The following EVI5L variants were observed in gnomAD, a reference collection of about 807,000 sequenced individuals.
EVI5L encodes the protein ecotropic viral integration site 5 like.
EVI5L carries 30 observed loss-of-function variants against 106.1 expected under a neutral mutation model. That is an observed-to-expected ratio of 0.28 (90% CI 0.21 to 0.38). EVI5L has a LOEUF of 0.38. Ranked by LOEUF, EVI5L falls within the 10% of genes least tolerant of loss-of-function variation. The probability of loss-of-function intolerance (pLI) is 1.00; values close to 1 mark genes in which losing one functional copy is unlikely to be tolerated. For missense variants in EVI5L, 809 were observed against 1,098.0 expected (o/e 0.74, Z 3.72); for synonymous variants, 489 against 483.3 (o/e 1.01, Z -0.15).
chr19:7,842,954 CAT>C (rs1260433830), intron 1 of EVI5L, among the ~76,000 whole-genome samples: 1 of 126,506 alleles, frequency 7.9e-6, no homozygotes, highest in African/African-American at 3.0e-5. Context: ...CGAATGTGTG[CAT>C]ATGTGTAAAC....
intron 1 of EVI5L, among the ~76,000 whole-genome samples, chr19:7,840,602 C>T (rs974736650): frequency 1.6e-4 from 25 of 152,220 alleles, no homozygotes; most frequent in Admixed American, 9.8e-4. Flanking sequence ...AAACCTACAC[C>T]CATAAGCAGT....
At position 7,853,622 on chromosome 19, in the gene EVI5L, G is replaced by C. The variant is rs537761962; in HGVS notation, c.1146+289G>C. ...CAATAAACCACTGAACTAGAGTGCG[G>C]ACTCTAAATGCTCTGGACAAGGATG... On this transcript the variant is annotated intron_variant, in intron 10 of 19. Transcript: ENST00000538904. The C allele has an allele frequency of 1.0e-3, 510 of 502,836 alleles. 1 individual carries two copies. Among genetic ancestry groups the C allele is most frequent in the Middle Eastern group, 2.3e-3 (4 of 1,758 alleles). The allele number at this position is 502,836 out of a possible 1,614,324, so 31.1% of individuals were successfully genotyped here.
At chr19:7,834,962 C>G (rs1568231329) in intron 1 of EVI5L, among the ~76,000 whole-genome samples, 1 of 151,390 alleles carries the variant, frequency 6.6e-6, no homozygotes. Flanking sequence ...TCTCTCTCTG[C>G]AATAATAATA....
intron 1 of EVI5L, among the ~76,000 whole-genome samples, chr19:7,842,900 G>A (rs1049101488): frequency 6.7e-6 from 1 of 150,030 alleles, no homozygotes; most frequent in Non-Finnish European, 1.5e-5. Flanking sequence ...TGTGTGTATT[G>A]AGTGTGTGCA....
At chr19:7,855,114 CTT>C (rs200195743) in intron 10 of EVI5L, among the ~76,000 whole-genome samples, 40 of 132,600 alleles carry the variant, frequency 3.0e-4, no homozygotes, top group Admixed American at 3.1e-4. Flanking sequence ...ATATCTTTTT[CTT>C]TTTTTTTTTT....
intron 1 of EVI5L, among the ~76,000 whole-genome samples, chr19:7,841,076 G>A (rs1042863135): frequency 2.0e-5 from 3 of 152,152 alleles, no homozygotes; most frequent in Admixed American, 6.6e-5. Context: ...CTGTGAAGGA[G>A]GGTCTGGGTG....
At chr19:7,842,670 G>T (rs1396266245) in intron 1 of EVI5L, among the ~76,000 whole-genome samples, 2 of 151,948 alleles carry the variant, frequency 1.3e-5, no homozygotes, top group African/African-American at 4.8e-5. Flanking sequence ...TCAAGTGTGT[G>T]CATGGATGTG....
intron 13 of EVI5L, among the ~76,000 whole-genome samples, chr19:7,860,083 A>C (rs1457758021): frequency 6.6e-6 from 1 of 152,188 alleles, no homozygotes; most frequent in Non-Finnish European, 1.5e-5. Flanking sequence ...ATGGAGCAAG[A>C]GGGTGATACC....
Position 7,863,800 on chromosome 19 carries a change from C to G in EVI5L, c.*98C>G, listed in dbSNP as rs942390395. 2 of 1,396,426 alleles carry G rather than the reference C, an allele frequency of 1.4e-6. No homozygotes were observed. Among genetic ancestry groups the G allele is most frequent in the African/African-American group, 1.5e-5 (1 of 66,370 alleles). 86.5% of individuals were successfully genotyped at this position (1,396,426 alleles called of 1,614,324 possible). ...CCCACCTGCCGCACTTGACAAACTA[C>G]GCGCCCTCTGTGGCTCGGCCACCCC... On this transcript the variant is annotated 3_prime_UTR_variant, in exon 20 of 20. Coordinates refer to ENST00000538904, the MANE Select transcript of EVI5L (RefSeq NM_001159944.3). This position sits in a 1 kb window ranked among gnomAD's most constrained non-coding sequence, Gnocchi z 7.7.
chr19:7,836,053 A>G (rs1202587245), intron 1 of EVI5L, among the ~76,000 whole-genome samples: 1 of 152,212 alleles, frequency 6.6e-6, no homozygotes, highest in Admixed American at 6.5e-5. Flanking sequence ...CCTGGCCAAC[A>G]TGGCGATACC....
chr19:7,843,458 G>A (rs1235874382), intron 1 of EVI5L, among the ~76,000 whole-genome samples: 6 of 148,570 alleles, frequency 4.0e-5, no homozygotes, highest in Admixed American at 2.0e-4. Flanking sequence ...GTGTGTGAGT[G>A]TGTGTGAGAA....
rs1229183158 is a variant in EVI5L at position 7,848,186 on chromosome 19, C to T, written c.327+265C>T. Reference sequence around the variant, plus strand: ...CCCATGAAGGATGGGGGTGTGGTGGCTCACGCCTGGAATCTCAGCACTTTG... The same window carrying T: ...CCCATGAAGGATGGGGGTGTGGTGGTTCACGCCTGGAATCTCAGCACTTTG... On this transcript the variant is annotated intron_variant, in intron 3 of 19. Transcript: ENST00000538904. The surrounding 1 kb of genome is among the most constrained non-coding windows in gnomAD (Gnocchi z 4.8). Among the ~76,000 whole-genome samples, 1 of 152,126 alleles carries T rather than the reference C, an allele frequency of 6.6e-6. No homozygotes were observed. Among genetic ancestry groups the T allele is most frequent in the Non-Finnish European group, 1.5e-5 (1 of 68,024 alleles).
rs1979549162 is a variant in EVI5L at position 7,856,797 on chromosome 19, A to T, written c.1201-295A>T. Among the ~76,000 whole-genome samples, 1 of 151,986 alleles carries T rather than the reference A, an allele frequency of 6.6e-6. No homozygotes were observed. The highest frequency in any genetic ancestry group is 2.1e-4 in the South Asian group (1 of 4,814). ...TTTCCAGCCAGCAGCGGCCCGGCTG[A>T]CCCTGGAGGGTGGGACAGTGGGTTT... On this transcript the variant is annotated intron_variant, in intron 11 of 19. Coordinates refer to ENST00000538904, the MANE Select transcript of EVI5L (RefSeq NM_001159944.3). The surrounding 1 kb of genome is among the most constrained non-coding windows in gnomAD (Gnocchi z 6.6).
In EVI5L at chr19:7,863,028, G is replaced by T. The variant is rs1045673796; in HGVS notation, c.2004G>T (p.Val668=). The T allele has an allele frequency of 6.3e-7, 1 of 1,580,830 alleles. No individual in the cohort carries two copies. The highest frequency in any genetic ancestry group is 8.5e-7 in the Non-Finnish European group (1 of 1,170,780). Residue 668 remains valine, a synonymous_variant, in exon 18 of 20, where the codon GTG becomes GTT. Coordinates refer to ENST00000538904, the MANE Select transcript of EVI5L (RefSeq NM_001159944.3). The surrounding 1 kb of genome is among the most constrained non-coding windows in gnomAD (Gnocchi z 7.7). Reference sequence around the variant, plus strand: ...GGGAGGCGGACAGCATGGCTGCGGTGGCCGAGATGCGGCAGCGCATTGCCG... The same window carrying T: ...GGGAGGCGGACAGCATGGCTGCGGTTGCCGAGATGCGGCAGCGCATTGCCG... ...RLREADSMAA[V]AEMRQRIAEL...
rs138346986 is a variant in EVI5L, at chr19:7,850,107, C to T, written c.738C>T (p.Phe246=). Residue 246 remains phenylalanine (F), a synonymous_variant, in exon 6 of 20, where the codon TTC becomes TTT. Transcript: ENST00000538904. The surrounding 1 kb of genome is among the most constrained non-coding windows in gnomAD (Gnocchi z 5.4). ...AGCTCGGGCTCTGCATCTATCAGTT[C>T]GAGTACATGCTGCAGGTGAGCAGGG... The part of the protein sequence containing the change: ...MAELGLCIYQ[F]EYMLQEQLPD... 4.2e-5 allele frequency: 67 copies of T among 1,604,742 alleles called. No homozygotes were observed. The African/African-American group carries it at 7.5e-4, about 18-fold the overall frequency.
intron 8 of EVI5L, 94 bp downstream of exon 8, chr19:7,851,864 C>T (rs536760446): frequency 7.6e-6 from 9 of 1,191,980 alleles, no homozygotes; most frequent in African/African-American, 3.1e-5. Flanking sequence ...GGCCCGGCTT[C>T]GAGGGTGGAA....
At chr19:7,862,056 C>G (rs1233913246) in intron 15 of EVI5L, 38 bp downstream of exon 15, 2 of 1,542,356 alleles carry the variant, frequency 1.3e-6, no homozygotes, top group Non-Finnish European at 1.7e-6. Context: ...AGAGCGCCCC[C>G]TAGGGCCATC....
chr19:7,837,118 G>A (rs185113340), intron 1 of EVI5L, among the ~76,000 whole-genome samples: 19 of 151,156 alleles, frequency 1.3e-4, no homozygotes, highest in African/African-American at 4.6e-4. Flanking sequence ...ATCACCTGAG[G>A]TCAGGAGTTC....
At chr19:7,855,108 CTTTTTCTTTTTT>C (rs1285083142) in intron 10 of EVI5L, among the ~76,000 whole-genome samples, 2 of 148,708 alleles carry the variant, frequency 1.3e-5, no homozygotes, top group African/African-American at 4.9e-5. Context: ...GTGCAAATAT[CTTTTTCTTTTTT>C]TTTTTTTTTT....
Sources: gnomAD v4.1 joint callset for allele counts (sites outside exome capture counted in the v4.1 genomes callset) on GRCh38, gnomAD v4.1.1 for gene constraint, Gnocchi (gnomAD v3.1) non-coding constraint, MANE v1.5 for transcripts, NCBI Gene and HGNC (gene_info 2026-07-23, HGNC 2026-07-21) for gene names.